The following INSC variants were observed in gnomAD, a reference collection of about 807,000 sequenced individuals.
The protein encoded by INSC is INSC spindle orientation adaptor protein.
In INSC, 67 loss-of-function variants were observed where a neutral mutation model predicts 58.6. That is an observed-to-expected ratio of 1.14 (90% CI 0.94 to 1.40). The LOEUF is 1.40. Among genes scored for constraint, INSC ranks in the 40% most tolerant of loss-of-function variants. The pLI, the probability that INSC is intolerant of heterozygous loss-of-function variation, is 0.00. For missense variants in INSC, 714 were observed against 692.0 expected, an observed-to-expected ratio of 1.03 and a Z score of -0.36; for synonymous variants, 262 against 276.1, an observed-to-expected ratio of 0.95 and a Z score of 0.51.
intron 6 of INSC, 93 bp from the exon 7 acceptor site, chr11:15,200,731 C>T (rs1850549852): frequency 6.4e-7 from 1 of 1,567,684 alleles, no homozygotes; most frequent in Admixed American, 1.7e-5. Flanking sequence ...GACCCGAAAG[C>T]ATATCTGGCG....
chr11:15,117,278 A>G (rs1847754457), intron 1 of INSC, among the ~76,000 whole-genome samples: 1 of 151,964 alleles, frequency 6.6e-6, no homozygotes, highest in Non-Finnish European at 1.5e-5. Context: ...GGTTTAGTCT[A>G]AGGGGTGACT....
At position 15,171,870 on chromosome 11, in the gene INSC, C is replaced by T. The variant is rs529385290; in HGVS notation, c.57-3871C>T. ...GTATGAACCTTGGTTCTACGTTTCACAATTTGGGGCAAGGAATTGGATTAG... is the reference window on the plus strand; with the variant it reads ...GTATGAACCTTGGTTCTACGTTTCATAATTTGGGGCAAGGAATTGGATTAG... On this transcript the variant is annotated intron_variant, in intron 2 of 12. Transcript: ENST00000379556. 1.1e-4 allele frequency among the ~76,000 whole-genome samples: 16 copies of T among 152,298 alleles called. No homozygotes were observed. The South Asian group carries it at 3.3e-3, about 32-fold the overall frequency.
At chr11:15,231,054 A>G (rs934414932) in intron 9 of INSC, among the ~76,000 whole-genome samples, 1 of 152,206 alleles carries the variant, frequency 6.6e-6, no homozygotes, top group Admixed American at 6.5e-5. Context: ...GCCCTGGGCC[A>G]TGTCTGCCAG....
At chr11:15,213,795 A>G (rs747626309) in intron 7 of INSC, among the ~76,000 whole-genome samples, 3 of 152,032 alleles carry the variant, frequency 2.0e-5, no homozygotes, top group African/African-American at 4.8e-5. Flanking sequence ...TTTCCATTTA[A>G]CTTTTAACTA....
intron 2 of INSC, among the ~76,000 whole-genome samples, chr11:15,174,184 A>G (rs563867247): frequency 3.3e-5 from 5 of 151,618 alleles, no homozygotes; most frequent in Middle Eastern, 3.4e-3. Context: ...GAGCCTTTGC[A>G]CTTGCTGATC....
At chr11:15,229,963 TATATATATATATATA>T (rs1851803322) in intron 9 of INSC, among the ~76,000 whole-genome samples, 6 of 27,788 alleles carry the variant, frequency 2.2e-4, no homozygotes, top group African/African-American at 1.3e-3. Flanking sequence ...TATATATTTA[TATATATATATATATA>T]TTATATATAT....
rs1160771493 is a variant in INSC at position 15,246,244 on chromosome 11, T to TTTTGA, written c.*208_*212dup. On this transcript the variant is annotated 3_prime_UTR_variant, in exon 13 of 13. Transcript: ENST00000379556. ...TTGAGAATCTTCTTTGTGTTTTATT[T>TTTTGA]TTTGATTTCTGTAGCTTTTCAGTTG... The TTTTGA allele has an allele frequency of 4.4e-6, 2 of 454,496 alleles. No individual in the cohort carries two copies. Among genetic ancestry groups the TTTTGA allele is most frequent in the African/African-American group, 3.9e-5 (2 of 51,000 alleles). 28.2% of individuals were successfully genotyped at this position (454,496 alleles called of 1,614,324 possible). A position where few individuals can be genotyped will look rare whatever the true frequency, so the allele number is the denominator to read the frequency against.
intron 2 of INSC, among the ~76,000 whole-genome samples, chr11:15,172,541 A>T (rs1203674034): frequency 1.3e-5 from 2 of 152,218 alleles, no homozygotes; most frequent in Non-Finnish European, 2.9e-5. Flanking sequence ...CTAGTGCCCC[A>T]CTGAAGGATG....
Position 15,186,935 on chromosome 11 carries a change from G to A in INSC, c.580-3766G>A, listed in dbSNP as rs1339105987. On this transcript the variant is annotated intron_variant, in intron 5 of 12. Transcript: ENST00000379556. ...CATGATTTTAAGGGTCAGTAATTTG[G>A]ACAGGGCTTGGCTAAGTGATTCTTC... Among the ~76,000 whole-genome samples, 3 of 152,112 alleles carry A rather than the reference G, an allele frequency of 2.0e-5. No individual in the cohort carries two copies. The East Asian group carries it at 5.8e-4, about 29-fold the overall frequency.
intron 2 of INSC, among the ~76,000 whole-genome samples, chr11:15,166,279 T>C (rs1406172877): frequency 6.6e-6 from 1 of 152,166 alleles, no homozygotes; most frequent in Non-Finnish European, 1.5e-5. Flanking sequence ...GGCAATGGTT[T>C]CTAAGGGTCT....
chr11:15,163,254 C>T (rs1403040722), intron 2 of INSC, among the ~76,000 whole-genome samples: 2 of 152,134 alleles, frequency 1.3e-5, no homozygotes, highest in Admixed American at 6.5e-5. Flanking sequence ...AATTTTCTGT[C>T]TCTTATGGGT....
intron 2 of INSC, among the ~76,000 whole-genome samples, chr11:15,174,693 A>C (rs538671517): frequency 6.6e-6 from 1 of 152,362 alleles, no homozygotes; most frequent in Admixed American, 6.5e-5. Context: ...TCTGTTGTGA[A>C]ATGATAGTGA....
chr11:15,228,329 G>A (rs1013632302), intron 9 of INSC, among the ~76,000 whole-genome samples: 8 of 152,162 alleles, frequency 5.3e-5, no homozygotes, highest in Non-Finnish European at 8.8e-5. Flanking sequence ...GCCTCACTGA[G>A]TCCTAGGAAA....
intron 7 of INSC, 151 bp downstream of exon 7, chr11:15,201,100 T>G: frequency 1.0e-6 from 1 of 974,080 alleles, no homozygotes; most frequent in Non-Finnish European, 1.5e-6. Context: ...GGCTGGGACC[T>G]GGACTATGGG....
chr11:15,217,427 C>T (rs1252037950), intron 7 of INSC, among the ~76,000 whole-genome samples: 1 of 152,134 alleles, frequency 6.6e-6, no homozygotes, highest in Non-Finnish European at 1.5e-5. Flanking sequence ...AATTGTTCAG[C>T]TAGTAAAGGA....
upstream of INSC, among the ~76,000 whole-genome samples, chr11:15,114,430 T>A (rs1437328389): frequency 6.6e-6 from 1 of 152,198 alleles, no homozygotes; most frequent in Non-Finnish European, 1.5e-5. Context: ...GTTTGGGGTC[T>A]ATCAAAGCTG....
the INSC span, among the ~76,000 whole-genome samples, chr11:15,259,642 A>G: frequency 5.3e-5 from 8 of 152,192 alleles, no homozygotes; most frequent in African/African-American, 1.9e-4. Context: ...CTGACGTGCG[A>G]GACAGTTTAC....
chr11:15,167,955 T>A (rs930252712), intron 2 of INSC, among the ~76,000 whole-genome samples: 3 of 152,052 alleles, frequency 2.0e-5, no homozygotes, highest in African/African-American at 7.2e-5. Flanking sequence ...TTGCCCACTC[T>A]CCTCTCCCGA....
chr11:15,252,236 G>GGGATTTGGGGA, the INSC span, among the ~76,000 whole-genome samples: 1 of 152,134 alleles, frequency 6.6e-6, no homozygotes. Context: ...AGGAGGAATG[G>GGGATTTGGGGA]GGAGTAACTG....
Sources: allele counts gnomAD v4.1 joint callset (sites outside exome capture counted in the v4.1 genomes callset), GRCh38; gene constraint gnomAD v4.1.1; transcripts MANE v1.5; gene names NCBI Gene and HGNC (gene_info 2026-07-23, HGNC 2026-07-21).